Variants in FAT3 observed in about 807,000 individuals in gnomAD.
The protein encoded by FAT3 is FAT atypical cadherin 3.
In FAT3, 95 loss-of-function variants were observed where a neutral mutation model predicts 310.2. The observed-to-expected ratio is 0.31, with a 90% CI of 0.26 to 0.36. The LOEUF is 0.36. Among genes scored for constraint, FAT3 ranks in the 10% least tolerant of loss-of-function variants. The pLI is 1.00. For missense variants in FAT3, 5,408 were observed against 5,715.6 expected (o/e 0.95, Z 1.74); for synonymous variants, 2,314 against 2,192.9 (o/e 1.06, Z -1.54).
chr11:92,455,809 C>CA (rs761626913), intron 2 of FAT3, among the ~76,000 whole-genome samples: 1 of 152,092 alleles, frequency 6.6e-6, no homozygotes, highest in Non-Finnish European at 1.5e-5. Flanking sequence ...AAACTATTAG[C>CA]CCAATAAACA....
At chr11:92,655,037 T>G (rs772444082) in intron 3 of FAT3, among the ~76,000 whole-genome samples, 1 of 152,142 alleles carries the variant, frequency 6.6e-6, no homozygotes, top group Non-Finnish European at 1.5e-5. Flanking sequence ...TTCTGAAAGG[T>G]TATTGCTTTC....
chr11:92,473,776 C>A (rs1167162090), intron 2 of FAT3, among the ~76,000 whole-genome samples: 1 of 152,164 alleles, frequency 6.6e-6, no homozygotes, highest in East Asian at 1.9e-4. Flanking sequence ...TACACAGGGA[C>A]TAGCAAGAAA....
intron 1 of FAT3, among the ~76,000 whole-genome samples, chr11:92,293,150 A>G (rs1005686925): frequency 6.6e-6 from 1 of 151,590 alleles, no homozygotes; most frequent in African/African-American, 2.4e-5. Context: ...GACAACAACA[A>G]TGTGGGAACC....
intron 3 of FAT3, among the ~76,000 whole-genome samples, chr11:92,628,597 G>A (rs939663907): frequency 6.6e-6 from 1 of 152,212 alleles, no homozygotes; most frequent in South Asian, 2.1e-4. Context: ...TTAGTGAAAT[G>A]CTATATTTAG....
At chr11:92,866,660 C>A in intron 21 of FAT3, 81 bp from the exon 22 acceptor site, 1 of 1,295,654 alleles carries the variant, frequency 7.7e-7, no homozygotes, top group Non-Finnish European at 1.0e-6. Flanking sequence ...GTGAAGCCCC[C>A]GGGCCGGCCA....
At chr11:92,794,537 C>T (rs1444362108) in intron 9 of FAT3, among the ~76,000 whole-genome samples, 2 of 152,178 alleles carry the variant, frequency 1.3e-5, no homozygotes, top group African/African-American at 4.8e-5. Flanking sequence ...ATGTTTCAAC[C>T]AGTTTGGAGT....
At chr11:92,820,353 A>G (rs1360213286) in intron 13 of FAT3, among the ~76,000 whole-genome samples, 1 of 152,118 alleles carries the variant, frequency 6.6e-6, no homozygotes, top group Non-Finnish European at 1.5e-5. Flanking sequence ...CTTATGGGTC[A>G]CTAATCCTAT....
chr11:92,439,825 A>G (rs1413763335), intron 2 of FAT3, among the ~76,000 whole-genome samples: 1 of 151,968 alleles, frequency 6.6e-6, no homozygotes, highest in Non-Finnish European at 1.5e-5. Flanking sequence ...CTGAGGCGGG[A>G]GGGTCACTTG....
chr11:92,752,613 G>A (rs1945858615), intron 4 of FAT3, among the ~76,000 whole-genome samples: 2 of 152,150 alleles, frequency 1.3e-5, no homozygotes, highest in African/African-American at 2.4e-5. Context: ...ATAAAATCTT[G>A]CACTTATACC....
chr11:92,501,258 A>G (rs1952930194), intron 2 of FAT3, among the ~76,000 whole-genome samples: 1 of 152,030 alleles, frequency 6.6e-6, no homozygotes, highest in African/African-American at 2.4e-5. Context: ...GTGATCTTTA[A>G]TTAGTTCAGG....
intron 4 of FAT3, among the ~76,000 whole-genome samples, chr11:92,751,813 G>C (rs1395544076): frequency 1.3e-5 from 2 of 152,112 alleles, no homozygotes; most frequent in East Asian, 1.9e-4. Flanking sequence ...AAAAGAGCAC[G>C]TGCTGCCACG....
intron 2 of FAT3, among the ~76,000 whole-genome samples, chr11:92,420,762 C>G (rs1441886468): frequency 1.3e-5 from 2 of 152,116 alleles, no homozygotes; most frequent in African/African-American, 4.8e-5. Context: ...ACAAACCCAG[C>G]TGGCTTGTTT....
intron 1 of FAT3, among the ~76,000 whole-genome samples, chr11:92,229,266 T>C (rs893277066): frequency 2.6e-5 from 4 of 152,090 alleles, no homozygotes; most frequent in African/African-American, 9.7e-5. Flanking sequence ...TCTACCCAAA[T>C]TGTGAGGAGT....
intron 7 of FAT3, among the ~76,000 whole-genome samples, chr11:92,784,602 T>C (rs1050369318): frequency 3.3e-5 from 5 of 152,208 alleles, no homozygotes; most frequent in African/African-American, 1.2e-4. Flanking sequence ...GGTTTCCTCC[T>C]GCTTTGATTT....
At chr11:92,536,172 TTATTAA>T (rs149035454) in intron 3 of FAT3, among the ~76,000 whole-genome samples, 2,222 of 152,250 alleles carry the variant, frequency 0.015, 60 homozygotes, top group African/African-American at 0.051. Context: ...TCCATAAACT[TTATTAA>T]TATTGAGGTA....
Position 92,273,476 on chromosome 11 carries a change from C to A in FAT3, c.-18+48302C>A, listed in dbSNP as rs1005783683. Among the ~76,000 whole-genome samples the A allele has an allele frequency of 3.0e-4, 45 of 152,240 alleles. 1 individual carries two copies. Among genetic ancestry groups the A allele is most frequent in the African/African-American group, 9.9e-4 (41 of 41,562 alleles). The stretch of plus-strand genomic sequence containing the variant: ...GTGCAATAAAAGGAAATTACTGACA[C>A]ACTGAATTGCCATTTAATGGGAGAT... On this transcript the variant is annotated intron_variant, in intron 1 of 27. Transcript: ENST00000525166.
At chr11:92,729,768 G>T (rs1312970969) in intron 4 of FAT3, among the ~76,000 whole-genome samples, 1 of 152,076 alleles carries the variant, frequency 6.6e-6, no homozygotes, top group Non-Finnish European at 1.5e-5. Flanking sequence ...CATGATAATG[G>T]TAGTTAGTGA....
intron 19 of FAT3, among the ~76,000 whole-genome samples, chr11:92,854,620 A>G (rs754811395): frequency 6.6e-6 from 1 of 152,390 alleles, no homozygotes; most frequent in East Asian, 1.9e-4. Context: ...TCTGAAATAC[A>G]GAGTTTAATT....
chr11:92,660,767 T>C (rs550582576), intron 3 of FAT3, among the ~76,000 whole-genome samples: 5 of 152,308 alleles, frequency 3.3e-5, no homozygotes, highest in African/African-American at 1.2e-4. Context: ...GAGACAAAGG[T>C]AAACCACAGA....
Sources: allele counts gnomAD v4.1 joint callset (sites outside exome capture counted in the v4.1 genomes callset), GRCh38; gene constraint gnomAD v4.1.1; transcripts MANE v1.5; gene names NCBI Gene and HGNC (gene_info 2026-07-23, HGNC 2026-07-21).